The following RGS20 variants were observed in gnomAD, a reference collection of about 807,000 sequenced individuals.
RGS20 encodes gz-selective GTPase-activating protein.
A neutral mutation model predicts 33.6 loss-of-function variants in RGS20; 30 were observed. The observed-to-expected ratio is 0.89, with a 90% CI of 0.67 to 1.21. RGS20 has a LOEUF of 1.21. RGS20 is among the 50% of genes most tolerant of loss of function. The probability of loss-of-function intolerance (pLI) is 0.00; values close to 1 mark genes in which losing one functional copy is unlikely to be tolerated. For synonymous variants in RGS20, 208 were observed against 197.9 expected, an observed-to-expected ratio of 1.05 and a Z score of -0.43; for missense variants, 472 against 502.4, an observed-to-expected ratio of 0.94 and a Z score of 0.58.
intron 2 of RGS20, among the ~76,000 whole-genome samples, chr8:53,926,069 G>A (rs1813787555): frequency 6.6e-6 from 1 of 152,162 alleles, no homozygotes; most frequent in Non-Finnish European, 1.5e-5. Context: ...AATTAGCTGG[G>A]TATGGTGGCA....
chr8:53,949,681 C>T lies in RGS20; in HGVS notation c.743+2933C>T, dbSNP rs540626812. Among the ~76,000 whole-genome samples, 12 of 151,298 alleles carry T rather than the reference C, an allele frequency of 7.9e-5. No individual in the cohort carries two copies. The South Asian group carries it at 2.5e-3, about 32-fold the overall frequency. On this transcript the variant is annotated intron_variant, in intron 4 of 5. Transcript: ENST00000297313. Reference sequence around the variant, plus strand: ...GCAGTGAGCCAAGATTGCACCACTGCACCCCAGCCTAGGAGACAGAGCAAG... The same window carrying T: ...GCAGTGAGCCAAGATTGCACCACTGTACCCCAGCCTAGGAGACAGAGCAAG...
intron 1 of RGS20, among the ~76,000 whole-genome samples, chr8:53,858,141 C>T (rs542882514): frequency 6.6e-6 from 1 of 152,236 alleles, no homozygotes; most frequent in East Asian, 1.9e-4. Flanking sequence ...TAATTAAGCA[C>T]CTAAGATACC....
intron 2 of RGS20, among the ~76,000 whole-genome samples, chr8:53,909,710 T>C (rs1813303393): frequency 1.3e-5 from 2 of 152,188 alleles, no homozygotes; most frequent in African/African-American, 4.8e-5. Flanking sequence ...TTGCTTCTGG[T>C]AGAGAAGTAA....
intron 2 of RGS20, chr8:53,881,050 C>T (rs762024910): frequency 3.9e-6 from 6 of 1,549,356 alleles, no homozygotes; most frequent in Middle Eastern, 4.1e-4. Context: ...CCGGCCGGGG[C>T]TTCCTCCCCG....
At chr8:53,895,425 G>C (rs1449953588) in intron 2 of RGS20, among the ~76,000 whole-genome samples, 1 of 152,190 alleles carries the variant, frequency 6.6e-6, no homozygotes, top group African/African-American at 2.4e-5. Flanking sequence ...CTGCTGTACT[G>C]TGGTACGCTA....
At chr8:53,881,249 G>T (rs991472657) in intron 2 of RGS20, among the ~76,000 whole-genome samples, 165 bp downstream of exon 1, 18 of 151,982 alleles carry the variant, frequency 1.2e-4, no homozygotes, top group Admixed American at 8.5e-4. Flanking sequence ...GTTCCTTCCC[G>T]CAGTGCGAGT....
intron 2 of RGS20, among the ~76,000 whole-genome samples, chr8:53,895,430 A>C (rs1812830011): frequency 6.6e-6 from 1 of 152,172 alleles, no homozygotes; most frequent in Non-Finnish European, 1.5e-5. Flanking sequence ...GTACTGTGGT[A>C]CGCTAAATGA....
intron 2 of RGS20, chr8:53,881,020 G>C: frequency 1.9e-6 from 3 of 1,594,628 alleles, no homozygotes; most frequent in Non-Finnish European, 2.6e-6. Flanking sequence ...GGACGCATGC[G>C]CACGGCGGAC....
chr8:53,953,940 C>G, intron 4 of RGS20, 136 bp from the exon 4 acceptor site: 1 of 714,804 alleles, frequency 1.4e-6, no homozygotes, highest in Non-Finnish European at 2.5e-6. Flanking sequence ...GCGAACAGTT[C>G]TTTCCCTTCC....
At chr8:53,941,174 G>T (rs937406375) in intron 3 of RGS20, among the ~76,000 whole-genome samples, 7 of 152,182 alleles carry the variant, frequency 4.6e-5, no homozygotes, top group Non-Finnish European at 1.0e-4. Context: ...CCTCCTACAG[G>T]TAACAAGTAG....
intron 2 of RGS20, among the ~76,000 whole-genome samples, chr8:53,885,578 C>T (rs897833516): frequency 6.6e-6 from 1 of 151,978 alleles, no homozygotes; most frequent in African/African-American, 2.4e-5. Flanking sequence ...TGCGCCACTG[C>T]ACTCCAGTCT....
chr8:53,927,587 T>G (rs1813840290), intron 2 of RGS20, among the ~76,000 whole-genome samples: 1 of 152,160 alleles, frequency 6.6e-6, no homozygotes, highest in Non-Finnish European at 1.5e-5. Flanking sequence ...TTCTGAGCCC[T>G]AGGACCATCA....
intron 2 of RGS20, among the ~76,000 whole-genome samples, chr8:53,916,078 G>A (rs979033289): frequency 2.6e-5 from 4 of 152,024 alleles, no homozygotes; most frequent in Admixed American, 6.6e-5. Context: ...AGCTAACTGC[G>A]GTGGTATGAC....
chr8:53,930,773 T>C (rs75401512), intron 2 of RGS20, among the ~76,000 whole-genome samples: 7,454 of 152,242 alleles, frequency 0.049, 469 homozygotes, highest in African/African-American at 0.14. Context: ...GGTCTCGAAC[T>C]CCTGACCTCA....
At chr8:53,903,269 G>A (rs2128816) in intron 2 of RGS20, among the ~76,000 whole-genome samples, 28,003 of 152,148 alleles carry the variant, frequency 0.18, 7,737 homozygotes, top group African/African-American at 0.6. Context: ...TCTACCATCA[G>A]TAAAAAAGCA....
intron 2 of RGS20, among the ~76,000 whole-genome samples, chr8:53,896,213 A>G (rs1319952551): frequency 6.6e-6 from 1 of 152,162 alleles, no homozygotes; most frequent in Non-Finnish European, 1.5e-5. Context: ...CAGGAGGTTG[A>G]GGCTGCAGTG....
chr8:53,888,833 G>A (rs951206734), intron 2 of RGS20, among the ~76,000 whole-genome samples: 5 of 152,104 alleles, frequency 3.3e-5, no homozygotes, highest in Admixed American at 1.3e-4. Flanking sequence ...TATAATATTT[G>A]CATCTGGTTC....
At chr8:53,949,910 A>T (rs1160583466) in intron 4 of RGS20, among the ~76,000 whole-genome samples, 1 of 148,236 alleles carries the variant, frequency 6.7e-6, no homozygotes, top group Non-Finnish European at 1.5e-5. Context: ...TGCAATCTTG[A>T]CTCACTGCAA....
chr8:53,937,157 G>T (rs566938189), intron 2 of RGS20, among the ~76,000 whole-genome samples: 1 of 152,084 alleles, frequency 6.6e-6, no homozygotes, highest in South Asian at 2.1e-4. Flanking sequence ...TGGGGGGAGA[G>T]GGGAAGGATA....
Sources: gnomAD v4.1 joint callset for allele counts (sites outside exome capture counted in the v4.1 genomes callset) on GRCh38, gnomAD v4.1.1 for gene constraint, MANE v1.5 for transcripts, NCBI Gene and HGNC (gene_info 2026-07-23, HGNC 2026-07-21) for gene names.